Variants in PRKN observed in about 807,000 individuals in gnomAD.
PRKN encodes the protein E3 ubiquitin-protein ligase parkin.
A neutral mutation model predicts 59.5 loss-of-function variants in PRKN; 56 were observed. The observed-to-expected ratio is 0.94, with a 90% confidence interval of 0.76 to 1.18. The LOEUF (loss-of-function observed/expected upper bound fraction) is 1.18. Among genes scored for constraint, PRKN ranks in the 50% most tolerant of loss-of-function variants. The pLI, the probability that PRKN is intolerant of heterozygous loss-of-function variation, is 0.00. For missense variants in PRKN, 657 were observed against 596.4 expected (o/e 1.10, Z -1.06); for synonymous variants, 250 against 222.1 (o/e 1.13, Z -1.12).
At chr6:162,628,844 T>A (rs1413655146) in intron 1 of PRKN, among the ~76,000 whole-genome samples, 1 of 152,150 alleles carries the variant, frequency 6.6e-6, no homozygotes, top group Non-Finnish European at 1.5e-5. Flanking sequence ...TGGTTCAAAG[T>A]AATGTTACCT....
intron 7 of PRKN, among the ~76,000 whole-genome samples, chr6:161,685,507 G>C (rs1785520609): frequency 6.6e-6 from 1 of 152,160 alleles, no homozygotes; most frequent in African/African-American, 2.4e-5. Flanking sequence ...TGATTATCAT[G>C]CTCAAATTTA....
At chr6:161,351,447 C>T (rs896824916) in intron 11 of PRKN, among the ~76,000 whole-genome samples, 1 of 151,716 alleles carries the variant, frequency 6.6e-6, no homozygotes, top group African/African-American at 2.4e-5. Flanking sequence ...GCCTCAGCCT[C>T]CCGAGTAGCT....
chr6:161,441,619 T>C (rs1789230854), intron 9 of PRKN, among the ~76,000 whole-genome samples: 1 of 136,018 alleles, frequency 7.4e-6, no homozygotes, highest in South Asian at 2.3e-4. Flanking sequence ...CACTCCAGCC[T>C]GGGCAACAGA....
intron 2 of PRKN, among the ~76,000 whole-genome samples, chr6:162,320,503 T>C (rs1283325261): frequency 7.2e-6 from 1 of 138,984 alleles, no homozygotes; most frequent in African/African-American, 2.7e-5. Flanking sequence ...AATGAAAACA[T>C]GTGCAACATC....
chr6:162,454,466 C>T (rs1396301375), intron 1 of PRKN, among the ~76,000 whole-genome samples: 1 of 152,106 alleles, frequency 6.6e-6, no homozygotes, highest in Non-Finnish European at 1.5e-5. Flanking sequence ...ATTGGGAGAC[C>T]ATTTACTATT....
chr6:161,852,834 T>A (rs1021510555), intron 6 of PRKN, among the ~76,000 whole-genome samples: 2 of 151,764 alleles, frequency 1.3e-5, no homozygotes. Flanking sequence ...GAAAGAACAG[T>A]TTTGGTTGGG....
chr6:162,290,419 T>C (rs572304412), intron 2 of PRKN, among the ~76,000 whole-genome samples: 2 of 152,310 alleles, frequency 1.3e-5, no homozygotes, highest in South Asian at 2.1e-4. Flanking sequence ...AATATCAGAA[T>C]TTTTTCCTTC....
intron 7 of PRKN, among the ~76,000 whole-genome samples, chr6:161,740,114 C>T (rs1332548849): frequency 6.6e-6 from 1 of 152,158 alleles, no homozygotes; most frequent in Non-Finnish European, 1.5e-5. Flanking sequence ...TGTTATCAAA[C>T]GAGTTGATAC....
intron 7 of PRKN, among the ~76,000 whole-genome samples, chr6:161,769,405 G>C (rs889302980): frequency 6.6e-6 from 1 of 152,086 alleles, no homozygotes; most frequent in Non-Finnish European, 1.5e-5. Context: ...TCAATGAATT[G>C]GCACCATCTG....
At chr6:161,751,490 C>T (rs900582948) in intron 7 of PRKN, among the ~76,000 whole-genome samples, 4 of 152,210 alleles carry the variant, frequency 2.6e-5, no homozygotes, top group African/African-American at 7.2e-5. Flanking sequence ...AAATTTCACA[C>T]TGATATTTAA....
chr6:162,708,732 T>G (rs1484362322), intron 1 of PRKN, among the ~76,000 whole-genome samples: 1 of 152,198 alleles, frequency 6.6e-6, no homozygotes, highest in Non-Finnish European at 1.5e-5. Flanking sequence ...AACACTGCCT[T>G]TCTGCCCTGA....
chr6:161,547,375 T>G lies in PRKN; in HGVS notation c.1083+1479A>C, dbSNP rs78715917. Among the ~76,000 whole-genome samples, 3,932 of 152,300 alleles carry G rather than the reference T, an allele frequency of 0.026. 76 individuals are homozygous for G. Among genetic ancestry groups the G allele is most frequent in the Non-Finnish European group, 0.038 (2,555 of 68,026 alleles). On this transcript the variant is annotated intron_variant, in intron 9 of 11. Coordinates refer to ENST00000366898, the MANE Select transcript of PRKN (RefSeq NM_004562.3). The surrounding 1 kb of genome is among the most constrained non-coding windows in gnomAD (Gnocchi z 4.0). ...TTTGTCATGATTTGCAGCTTAAGTA[T>G]GTATGTTATTTACTTATAATTTACT...
chr6:162,579,350 T>C (rs1165372986), intron 1 of PRKN, among the ~76,000 whole-genome samples: 1 of 152,134 alleles, frequency 6.6e-6, no homozygotes, highest in South Asian at 2.1e-4. Flanking sequence ...TAGAGACTCC[T>C]AATCACTGTA....
chr6:162,293,820 G>C (rs1229358753), intron 2 of PRKN, among the ~76,000 whole-genome samples: 1 of 152,112 alleles, frequency 6.6e-6, no homozygotes, highest in Non-Finnish European at 1.5e-5. Flanking sequence ...GGGAGACAGA[G>C]AGTGCCCGCC....
At chr6:162,031,284 T>A (rs1051654833) in intron 5 of PRKN, among the ~76,000 whole-genome samples, 1 of 152,006 alleles carries the variant, frequency 6.6e-6, no homozygotes, top group African/African-American at 2.4e-5. Flanking sequence ...ATATATGTTA[T>A]CATTCAAATT....
At chr6:161,874,372 T>TTATATATAAAATATATATTATATGTAAAA (rs1794552965) in intron 6 of PRKN, among the ~76,000 whole-genome samples, 6 of 90,148 alleles carry the variant, frequency 6.7e-5, no homozygotes, top group Non-Finnish European at 1.1e-4. Context: ...ATGTAAAATA[T>TTATATATAAAATATATATTATATGTAAAA]TATATATAAA....
rs1428394930 is a variant in PRKN at position 162,653,417 on chromosome 6, A to T, written c.7+74245T>A. 4.6e-5 allele frequency among the ~76,000 whole-genome samples: 7 copies of T among 152,200 alleles called. No homozygotes were observed. The East Asian group carries it at 1.3e-3, about 29-fold the overall frequency. On this transcript the variant is annotated intron_variant, in intron 1 of 11. Coordinates refer to ENST00000366898, the MANE Select transcript of PRKN (RefSeq NM_004562.3). ...TAAGGATTTTTCATAATAATTTTTT[A>T]AAAATCAACTCATAATTTAATAGGA...
At chr6:162,303,349 A>G (rs1203692606) in intron 2 of PRKN, among the ~76,000 whole-genome samples, 4 of 152,182 alleles carry the variant, frequency 2.6e-5, no homozygotes, top group African/African-American at 9.7e-5. Context: ...TTGGCAATAC[A>G]AAAACTTTTG....
chr6:161,548,091 C>A lies in PRKN; in HGVS notation c.1083+763G>T, dbSNP rs1779859167. Among the ~76,000 whole-genome samples, 1 of 152,196 alleles carries A rather than the reference C, an allele frequency of 6.6e-6. No homozygotes were observed. Among genetic ancestry groups the A allele is most frequent in the Non-Finnish European group, 1.5e-5 (1 of 68,040 alleles). On this transcript the variant is annotated intron_variant, in intron 9 of 11. Coordinates refer to ENST00000366898, the MANE Select transcript of PRKN (RefSeq NM_004562.3). This position sits in a 1 kb window ranked among gnomAD's most constrained non-coding sequence, Gnocchi z 4.2. Reference sequence around the variant, plus strand: ...CAATTTTAAAAGAAATGTTTCTCATCAAAATTCAATAGACTTTTATATGCA... The same window carrying A: ...CAATTTTAAAAGAAATGTTTCTCATAAAAATTCAATAGACTTTTATATGCA...
Sources: allele counts gnomAD v4.1 joint callset (sites outside exome capture counted in the v4.1 genomes callset), GRCh38; gene constraint gnomAD v4.1.1; non-coding constraint Gnocchi (gnomAD v3.1); transcripts MANE v1.5; gene names NCBI Gene and HGNC (gene_info 2026-07-23, HGNC 2026-07-21).